VPS53: variants seen among roughly 807,000 people sequenced by gnomAD.
The protein encoded by VPS53 is vacuolar protein sorting-associated protein 53 homolog.
VPS53 carries 70 observed loss-of-function variants against 107.0 expected under a neutral mutation model. The observed-to-expected ratio is 0.65, with a 90% confidence interval of 0.54 to 0.80. The LOEUF (loss-of-function observed/expected upper bound fraction) is 0.80. VPS53 is among the 30% of genes least tolerant of loss of function. VPS53 has a pLI of 0.00. For synonymous variants in VPS53, 409 were observed against 393.3 expected (o/e 1.04, Z -0.47); for missense variants, 917 against 1,049.4 (o/e 0.87, Z 1.74).
intron 13 of VPS53, among the ~76,000 whole-genome samples, chr17:578,134 G>T (rs1272944352): frequency 1.4e-5 from 2 of 143,506 alleles, no homozygotes; most frequent in Non-Finnish European, 3.0e-5. Context: ...TCCTAAGCAG[G>T]TAATTCTTTC....
chr17:560,910 G>A (rs527270136), intron 14 of VPS53, among the ~76,000 whole-genome samples: 1 of 152,362 alleles, frequency 6.6e-6, no homozygotes, highest in South Asian at 2.1e-4. Context: ...TGTGGAGCAC[G>A]AAAGATGGTT....
chr17:699,097 G>A (rs1054207431), intron 3 of VPS53, among the ~76,000 whole-genome samples: 1 of 152,074 alleles, frequency 6.6e-6, no homozygotes, highest in Admixed American at 6.6e-5. Context: ...AACCTGGGAG[G>A]TGGAGGTTGC....
chr17:563,287 CTTTTTT>C (rs36076034), intron 13 of VPS53, among the ~76,000 whole-genome samples: 1 of 103,298 alleles, frequency 9.7e-6, no homozygotes, highest in Non-Finnish European at 1.8e-5. Context: ...ACTTCATTTC[CTTTTTT>C]TTTTTTTTTT....
intron 5 of VPS53, among the ~76,000 whole-genome samples, chr17:660,923 C>A (rs1187614638): frequency 1.3e-5 from 2 of 152,124 alleles, no homozygotes; most frequent in Admixed American, 1.3e-4. Context: ...CACTTCCCAG[C>A]GCCTCCCATG....
chr17:518,311 G>A lies in VPS53; in HGVS notation c.*817C>T, dbSNP rs556586536. On this transcript the variant is annotated 3_prime_UTR_variant, in exon 22 of 22. Transcript: ENST00000437048. ...GGGGGGGCGGGCAGGCTGCGTGCCA[G>A]GCCAGGCTCTCAGCCTGGTCTTTAA... The A allele has an allele frequency of 6.6e-6, 1 of 152,286 alleles. No individual in the cohort carries two copies. Among genetic ancestry groups the A allele is most frequent in the East Asian group, 1.9e-4 (1 of 5,164 alleles). The allele number at this position is 152,286 out of a possible 1,614,324, so 9.4% of individuals were successfully genotyped here. A position where few individuals can be genotyped will look rare whatever the true frequency, so the allele number is the denominator to read the frequency against.
Position 510,418 on chromosome 17 carries a change from G to T in VPS53, c.*8710C>A. The T allele has an allele frequency of 4.5e-6, 1 of 222,732 alleles. No homozygotes were observed. Among genetic ancestry groups the T allele is most frequent in the Non-Finnish European group, 9.2e-6 (1 of 109,000 alleles). The allele number at this position is 222,732 out of a possible 1,614,324, so 13.8% of individuals were successfully genotyped here. ...CCTGGCTTGTCCCCTTGCTAGTCACGTATCAAATCCTGGCCGACCCCTTAC... is the reference window on the plus strand; with the variant it reads ...CCTGGCTTGTCCCCTTGCTAGTCACTTATCAAATCCTGGCCGACCCCTTAC... On this transcript the variant is annotated 3_prime_UTR_variant, in exon 22 of 22. Coordinates refer to ENST00000437048, the MANE Select transcript of VPS53 (RefSeq NM_001128159.3).
intron 4 of VPS53, among the ~76,000 whole-genome samples, chr17:683,185 G>A (rs1972465236): frequency 6.6e-6 from 1 of 152,160 alleles, no homozygotes; most frequent in Non-Finnish European, 1.5e-5. Context: ...ACACATGTAA[G>A]TAGAATTCTA....
chr17:617,699 G>A (rs1193258030), intron 11 of VPS53, among the ~76,000 whole-genome samples: 14 of 148,806 alleles, frequency 9.4e-5, no homozygotes, highest in African/African-American at 3.5e-4. Context: ...CTACAGGCAT[G>A]CGCCATCAGG....
chr17:528,995 GT>G (rs1036174106), intron 19 of VPS53, among the ~76,000 whole-genome samples: 2 of 152,042 alleles, frequency 1.3e-5, no homozygotes, highest in African/African-American at 4.8e-5. Context: ...TGGCTGTACC[GT>G]TTTGCATTAC....
rs567538956 is a variant in VPS53, at chr17:524,046, C to T, written c.2086-2308G>A. On this transcript the variant is annotated intron_variant, in intron 19 of 21. Coordinates refer to ENST00000437048, the MANE Select transcript of VPS53 (RefSeq NM_001128159.3). This position sits in a 1 kb window ranked among gnomAD's most constrained non-coding sequence, Gnocchi z 4.5. ...GGGCGCAGTGGCTCATGCCTGTAAT[C>T]CCAGCATTTTGGGAGGCCGAGGCGG... Among the ~76,000 whole-genome samples, 12 of 152,192 alleles carry T rather than the reference C, an allele frequency of 7.9e-5. No homozygotes were observed. The highest frequency in any genetic ancestry group is 1.5e-5 in the Non-Finnish European group (1 of 68,026).
chr17:653,536 G>T, intron 6 of VPS53, 126 bp from the exon 7 acceptor site: 1 of 1,423,526 alleles, frequency 7.0e-7, no homozygotes. Flanking sequence ...GCTGAGCACT[G>T]AGTATATAAG....
chr17:643,208 CTGAGGA>C (rs1970517916), intron 7 of VPS53, among the ~76,000 whole-genome samples: 2 of 20,296 alleles, frequency 9.9e-5, no homozygotes, highest in Admixed American at 5.5e-4. Context: ...TACTTGGCAA[CTGAGGA>C]CAACACTCAT....
At chr17:553,261 T>A in intron 16 of VPS53, 119 bp downstream of exon 16, 1 of 762,304 alleles carries the variant, frequency 1.3e-6, no homozygotes. Flanking sequence ...TGCCACATGC[T>A]GCTGTGTAGT....
chr17:583,064 G>T (rs966187237), intron 13 of VPS53, among the ~76,000 whole-genome samples: 2 of 144,450 alleles, frequency 1.4e-5, no homozygotes, highest in Admixed American at 1.4e-4. Context: ...AACCTAATGC[G>T]TTCCCACAGA....
intron 7 of VPS53, among the ~76,000 whole-genome samples, chr17:635,417 A>G (rs530904261): frequency 2.0e-5 from 3 of 152,088 alleles, no homozygotes; most frequent in Non-Finnish European, 4.4e-5. Flanking sequence ...CCCATTTGTC[A>G]ATTTTGGCTT....
chr17:656,925 G>A (rs1003237953), intron 5 of VPS53: 25 of 1,321,408 alleles, frequency 1.9e-5, no homozygotes, highest in African/African-American at 5.9e-5. Flanking sequence ...TTGGAAACTT[G>A]AGTGCCAAAG....
intron 4 of VPS53, among the ~76,000 whole-genome samples, chr17:664,905 G>T (rs1209451988): frequency 6.6e-6 from 1 of 152,152 alleles, no homozygotes; most frequent in Non-Finnish European, 1.5e-5. Context: ...CAAGGCCAGG[G>T]TTCACTGTCT....
At chr17:558,725 C>T (rs7207253) in intron 15 of VPS53, among the ~76,000 whole-genome samples, 44,992 of 149,626 alleles carry the variant, frequency 0.3, 7,055 homozygotes, top group East Asian at 0.41. Flanking sequence ...GGGGCTCACA[C>T]CTGTAATCCC....
chr17:563,261 A>G (rs188102417), intron 13 of VPS53, among the ~76,000 whole-genome samples: 4 of 146,326 alleles, frequency 2.7e-5, no homozygotes, highest in African/African-American at 1.0e-4. Context: ...TCCATGCTTT[A>G]TACCCATCTC....
Sources: gnomAD v4.1 joint callset for allele counts (sites outside exome capture counted in the v4.1 genomes callset) on GRCh38, gnomAD v4.1.1 for gene constraint, Gnocchi (gnomAD v3.1) non-coding constraint, MANE v1.5 for transcripts, NCBI Gene and HGNC (gene_info 2026-07-23, HGNC 2026-07-21) for gene names.